The following SLIT2 variants were observed in gnomAD, a reference collection of about 807,000 sequenced individuals.
The protein encoded by SLIT2 is slit guidance ligand 2.
A neutral mutation model predicts 185.7 loss-of-function variants in SLIT2; 41 were observed. The observed-to-expected ratio is 0.22, with a 90% CI of 0.17 to 0.29. SLIT2 has a LOEUF of 0.29. Ranked by LOEUF, SLIT2 falls within the 10% of genes least tolerant of loss-of-function variation. The probability of loss-of-function intolerance (pLI) is 1.00; values close to 1 mark genes in which losing one functional copy is unlikely to be tolerated. For missense variants in SLIT2, 1,571 were observed against 1,909.0 expected (o/e 0.82, Z 3.30); for synonymous variants, 693 against 680.2 (o/e 1.02, Z -0.29).
intron 33 of SLIT2, 65 bp from the exon 34 acceptor site, chr4:20,609,948 A>T: frequency 1.4e-6 from 2 of 1,457,530 alleles, no homozygotes; most frequent in Non-Finnish European, 1.8e-6. Context: ...CAAAGTTTGT[A>T]ATTTAACTAC....
chr4:20,555,385 T>G (rs1378396889), intron 26 of SLIT2, among the ~76,000 whole-genome samples: 1 of 152,124 alleles, frequency 6.6e-6, no homozygotes, highest in Non-Finnish European at 1.5e-5. Context: ...CCAGCTTCAC[T>G]TTTTGGTAAG....
chr4:20,412,432 A>G (rs1335711421), intron 4 of SLIT2, among the ~76,000 whole-genome samples: 1 of 152,160 alleles, frequency 6.6e-6, no homozygotes, highest in Non-Finnish European at 1.5e-5. Flanking sequence ...TTTACTGCAT[A>G]TTTTATTTTT....
chr4:20,520,296 C>T (rs1223687616), intron 12 of SLIT2, among the ~76,000 whole-genome samples: 1 of 152,044 alleles, frequency 6.6e-6, no homozygotes, highest in African/African-American at 2.4e-5. Context: ...AGATTTAACA[C>T]CATGTGTTTT....
At chr4:20,325,632 ATATAAG>A (rs1402725250) in intron 4 of SLIT2, among the ~76,000 whole-genome samples, 2 of 152,142 alleles carry the variant, frequency 1.3e-5, no homozygotes, top group Non-Finnish European at 2.9e-5. Context: ...CACTGCTTTT[ATATAAG>A]TATGATAAAA....
intron 4 of SLIT2, among the ~76,000 whole-genome samples, chr4:20,457,280 A>G (rs896259120): frequency 2.6e-5 from 4 of 152,140 alleles, no homozygotes; most frequent in Admixed American, 6.6e-5. Flanking sequence ...ACAATCCAGT[A>G]TGCTATCAGT....
chr4:20,341,262 T>A (rs939649601), intron 4 of SLIT2, among the ~76,000 whole-genome samples: 3 of 152,234 alleles, frequency 2.0e-5, no homozygotes, highest in Non-Finnish European at 4.4e-5. Flanking sequence ...TCAGTACCCA[T>A]GGAGAATGTG....
chr4:20,318,537 C>T (rs887516329), intron 4 of SLIT2, among the ~76,000 whole-genome samples: 103 of 152,168 alleles, frequency 6.8e-4, no homozygotes, highest in African/African-American at 2.4e-3. Flanking sequence ...CTTGAAGGGG[C>T]TTCGGCTGCT....
In SLIT2 at chr4:20,528,100, C is replaced by T. The variant is rs1166316573; in HGVS notation, c.1463-849C>T. Among the ~76,000 whole-genome samples the T allele has an allele frequency of 1.3e-5, 2 of 152,136 alleles. No homozygotes were observed. The highest frequency in any genetic ancestry group is 4.8e-5 in the African/African-American group (2 of 41,404). On this transcript the variant is annotated intron_variant, in intron 15 of 36. Transcript: ENST00000504154. This position sits in a 1 kb window ranked among gnomAD's most constrained non-coding sequence, Gnocchi z 4.2. ...TGGAGGCACCTTTTCCATATAGCCC[C>T]TTCTTTGTGTTTCCAGGAAATCATC...
At chr4:20,571,721 G>A (rs1461611484) in intron 29 of SLIT2, among the ~76,000 whole-genome samples, 1 of 152,198 alleles carries the variant, frequency 6.6e-6, no homozygotes, top group African/African-American at 2.4e-5. Flanking sequence ...TAATAGTGTT[G>A]TCAGTGTTTA....
intron 29 of SLIT2, among the ~76,000 whole-genome samples, chr4:20,571,448 G>A (rs539987235): frequency 2.6e-5 from 4 of 152,244 alleles, no homozygotes; most frequent in South Asian, 2.1e-4. Context: ...ATTAATTGTA[G>A]TATTTTTGTG....
intron 4 of SLIT2, among the ~76,000 whole-genome samples, chr4:20,343,387 G>A (rs868703843): frequency 1.3e-5 from 2 of 151,976 alleles, no homozygotes; most frequent in Admixed American, 6.6e-5. Context: ...TTTTATCCAT[G>A]TTGCTGCAAA....
intron 4 of SLIT2, among the ~76,000 whole-genome samples, chr4:20,428,343 T>C (rs781711080): frequency 7.9e-5 from 12 of 152,200 alleles, no homozygotes; most frequent in Non-Finnish European, 1.5e-4. Flanking sequence ...ATGAGTCCCC[T>C]GGTGCCTTTT....
intron 4 of SLIT2, among the ~76,000 whole-genome samples, chr4:20,464,337 C>T (rs1401089684): frequency 2.0e-5 from 3 of 152,166 alleles, no homozygotes; most frequent in Non-Finnish European, 4.4e-5. Context: ...ACCTTCCTCT[C>T]CACATCATTG....
chr4:20,545,494 A>G (rs1723168743), intron 21 of SLIT2, among the ~76,000 whole-genome samples: 1 of 151,604 alleles, frequency 6.6e-6, no homozygotes, highest in African/African-American at 2.4e-5. Context: ...CACTTCATCA[A>G]TTTATATTCT....
intron 3 of SLIT2, among the ~76,000 whole-genome samples, chr4:20,264,628 G>A (rs538737409): frequency 6.6e-6 from 1 of 151,978 alleles, no homozygotes; most frequent in South Asian, 2.1e-4. Flanking sequence ...TTGTCAATAC[G>A]TTCAGGCTGC....
intron 4 of SLIT2, among the ~76,000 whole-genome samples, chr4:20,425,471 A>G (rs1005075828): frequency 1.3e-5 from 2 of 152,180 alleles, no homozygotes; most frequent in Non-Finnish European, 2.9e-5. Context: ...GCTATTATTT[A>G]TATGAATGAA....
intron 30 of SLIT2, among the ~76,000 whole-genome samples, chr4:20,591,627 A>G (rs1727521003): frequency 1.3e-5 from 2 of 151,872 alleles, no homozygotes; most frequent in Admixed American, 1.3e-4. Flanking sequence ...TATTTTATTC[A>G]ACCAAACACT....
intron 4 of SLIT2, among the ~76,000 whole-genome samples, chr4:20,416,904 A>G (rs560732605): frequency 6.6e-6 from 1 of 151,650 alleles, no homozygotes; most frequent in Non-Finnish European, 1.5e-5. Flanking sequence ...CTTGCCTTCT[A>G]TGTTCTTCCA....
chr4:20,322,815 G>C (rs574649647), intron 4 of SLIT2, among the ~76,000 whole-genome samples: 14 of 152,178 alleles, frequency 9.2e-5, no homozygotes, highest in African/African-American at 3.4e-4. Context: ...TGAATTTCAG[G>C]ACTACAGAGA....
Sources: allele counts gnomAD v4.1 joint callset (sites outside exome capture counted in the v4.1 genomes callset), GRCh38; gene constraint gnomAD v4.1.1; non-coding constraint Gnocchi (gnomAD v3.1); transcripts MANE v1.5; gene names NCBI Gene and HGNC (gene_info 2026-07-23, HGNC 2026-07-21).